The following PSG9 variants were observed in gnomAD, a reference collection of about 807,000 sequenced individuals.
PSG9 encodes the protein pregnancy specific beta-1-glycoprotein 9.
In PSG9, 49 loss-of-function variants were observed where a neutral mutation model predicts 41.9. The observed-to-expected ratio is 1.17, with a 90% confidence interval of 0.93 to 1.48. The LOEUF is 1.48. PSG9 is among the 40% of genes most tolerant of loss of function. The pLI is 0.00. For missense variants in PSG9, 641 were observed against 520.3 expected, an observed-to-expected ratio of 1.23 and a Z score of -2.26; for synonymous variants, 263 against 196.8, an observed-to-expected ratio of 1.34 and a Z score of -2.82.
At chr19:43,261,827 A>C (rs1404101358) in intron 3 of PSG9, 33 bp downstream of exon 3, 2 of 1,613,940 alleles carry the variant, frequency 1.2e-6, no homozygotes, top group African/African-American at 2.7e-5. Context: ...TTGGGATGGC[A>C]GCCTGGCTCA....
chr19:43,253,505 C>G lies in PSG9; in HGVS notation c.*104G>C, dbSNP rs1036582591. 5 of 473,426 alleles carry G rather than the reference C, an allele frequency of 1.1e-5. 1 individual carries two copies. Among genetic ancestry groups the G allele is most frequent in the East Asian group, 9.2e-5 (2 of 21,792 alleles). The allele number at this position is 473,426 out of a possible 1,614,324, so 29.3% of individuals were successfully genotyped here. A position where few individuals can be genotyped will look rare whatever the true frequency, so the allele number is the denominator to read the frequency against. On this transcript the variant is annotated 3_prime_UTR_variant, in exon 6 of 6. Transcript: ENST00000270077. Reference sequence around the variant, plus strand: ...CAATAAAAAATTATGAAAACATTATCCTTTTGATTATTTAGTCCAATAACA... The same window carrying G: ...CAATAAAAAATTATGAAAACATTATGCTTTTGATTATTTAGTCCAATAACA...
rs559460769 is a variant in PSG9 at position 43,262,906 on chromosome 19, G to T, written c.431-768C>A. On this transcript the variant is annotated intron_variant, in intron 2 of 5. Transcript: ENST00000270077. ...ATGATGCTCCCTTCCCCCTGTAGAG[G>T]GCAGGTGAGGACCATGTGGATCTTT... Among the ~76,000 whole-genome samples, 12 of 152,274 alleles carry T rather than the reference G, an allele frequency of 7.9e-5. No homozygotes were observed. The East Asian group carries it at 2.3e-3, about 29-fold the overall frequency.
chr19:43,267,872 C>G lies in PSG9; in HGVS notation c.342G>C (p.Arg114=). The G allele has an allele frequency of 6.2e-7, 1 of 1,613,786 alleles. No individual in the cohort carries two copies. The highest frequency in any genetic ancestry group is 8.5e-7 in the Non-Finnish European group (1 of 1,179,774). ...NASLLIQNVT[R]KDAGTYTLHI... ...GTAAGGTGTAGGTTCCTGCATCCTTCCGGGTGACATTCTGGATCAGCAGGG... is the reference window on the plus strand; with the variant it reads ...GTAAGGTGTAGGTTCCTGCATCCTTGCGGGTGACATTCTGGATCAGCAGGG... The change falls in exon 2 of 6, where the codon CGG becomes CGC. Residue 114 remains arginine, a synonymous_variant. Coordinates refer to ENST00000270077, the MANE Select transcript of PSG9 (RefSeq NM_002784.5).
chr19:43,263,490 T>C (rs535595162), intron 2 of PSG9, among the ~76,000 whole-genome samples: 62 of 152,170 alleles, frequency 4.1e-4, no homozygotes, highest in South Asian at 2.5e-3. Flanking sequence ...CATTTCAGAT[T>C]GTGGATTTCT....
intron 5 of PSG9, 88 bp from the exon 6 acceptor site, chr19:43,253,734 G>C: frequency 1.2e-6 from 1 of 801,546 alleles, no homozygotes; most frequent in Non-Finnish European, 2.0e-6. Flanking sequence ...TCCCAGGAAG[G>C]GTGTGAAAGC....
At chr19:43,256,930 C>T (rs1203076028) in intron 5 of PSG9, among the ~76,000 whole-genome samples, 3 of 146,386 alleles carry the variant, frequency 2.0e-5, no homozygotes, top group Non-Finnish European at 4.5e-5. Flanking sequence ...CTCACACTAG[C>T]GAAAAAATGG....
At chr19:43,259,586 G>A (rs2122519108) in intron 3 of PSG9, 1 of 177,038 alleles carries the variant, frequency 5.6e-6, no homozygotes, top group East Asian at 1.8e-4. Context: ...AGTAATAATG[G>A]GACTTCCCAT....
At chr19:43,265,594 C>G (rs532596528) in intron 2 of PSG9, among the ~76,000 whole-genome samples, 2 of 152,154 alleles carry the variant, frequency 1.3e-5, no homozygotes, top group African/African-American at 4.8e-5. Flanking sequence ...AATCTCTAAC[C>G]CCTGATCCAC....
In PSG9 at chr19:43,253,514, T is replaced by A; in HGVS notation, c.*95A>T. On this transcript the variant is annotated 3_prime_UTR_variant, in exon 6 of 6. Transcript: ENST00000270077. ...ATTATGAAAACATTATCCTTTTGAT[T>A]ATTTAGTCCAATAACATTGAGTTTT... is the stretch of plus-strand genomic sequence containing the variant. 1 of 492,262 alleles carries A rather than the reference T, an allele frequency of 2.0e-6. No individual in the cohort carries two copies. The highest frequency in any genetic ancestry group is 3.6e-6 in the Non-Finnish European group (1 of 274,584). The allele number at this position is 492,262 out of a possible 1,614,324, so 30.5% of individuals were successfully genotyped here. A position where few individuals can be genotyped will look rare whatever the true frequency, so the allele number is the denominator to read the frequency against.
chr19:43,267,689 T>G lies in PSG9; in HGVS notation c.430+95A>C, dbSNP rs532314072. The G allele has an allele frequency of 1.4e-4, 227 of 1,572,038 alleles. 1 individual carries two copies. The highest frequency in any genetic ancestry group is 3.3e-4 in the Middle Eastern group (2 of 5,994). On this transcript the variant is annotated intron_variant, in intron 2 of 5. Transcript: ENST00000270077. ...CCAGCATGGGACATAATGCAGAGAGTGACACAGGCAGAGTCCAGGCCTGAC... is the reference window on the plus strand; with the variant it reads ...CCAGCATGGGACATAATGCAGAGAGGGACACAGGCAGAGTCCAGGCCTGAC...
In PSG9 at chr19:43,258,686, G is replaced by A. The variant is rs374096371; in HGVS notation, c.988+171C>T. ...GAGCATCCACTCCCCTTATATTCTT[G>A]GTTAAGGCTGTGCCTACCCAGGTTT... On this transcript the variant is annotated intron_variant, in intron 4 of 5. Transcript: ENST00000270077. Among the ~76,000 whole-genome samples, 4 of 145,944 alleles carry A rather than the reference G, an allele frequency of 2.7e-5. 1 individual carries two copies. Among genetic ancestry groups the A allele is most frequent in the African/African-American group, 1.0e-4 (4 of 38,240 alleles).
At position 43,267,964 on chromosome 19, in the gene PSG9, C is replaced by T; in HGVS notation, c.250G>A (p.Val84Ile). The T allele has an allele frequency of 6.2e-7, 1 of 1,613,624 alleles. No individual in the cohort carries two copies. Among genetic ancestry groups the T allele is most frequent in the Non-Finnish European group, 8.5e-7 (1 of 1,179,670 alleles). Residue 84 changes from valine to isoleucine, a missense_variant, in exon 2 of 6, where the codon GTT becomes ATT. Physicochemically the swap from Val to Ile is conservative, Grantham distance 29 (BLOSUM62 3). Transcript: ENST00000270077. Reference sequence around the variant, plus strand: ...CCATATATAATTATTTTACCATCAACTATATACGATATAATGTAATGGTAG... The same window carrying T: ...CCATATATAATTATTTTACCATCAATTATATACGATATAATGTAATGGTAG... ...DLYHYIISYI[V>I]DGKIIIYGPA...
chr19:43,255,890 G>T (rs1348203644), intron 5 of PSG9, among the ~76,000 whole-genome samples: 1 of 146,526 alleles, frequency 6.8e-6, no homozygotes, highest in Non-Finnish European at 1.5e-5. Flanking sequence ...TTGTTTTCAT[G>T]AATTGGAAGA....
rs763443208 is a variant in PSG9 at position 43,267,772 on chromosome 19, G to A, written c.430+12C>T. On this transcript the variant is annotated intron_variant, in intron 2 of 5. Transcript: ENST00000270077. ...TCCCCCCAACACCCAGGGATCATGT[G>A]GAATCACTCACAGTATAAGGTGAAG... 5.0e-6 allele frequency: 8 copies of A among 1,612,488 alleles called. No individual in the cohort carries two copies. Among genetic ancestry groups the A allele is most frequent in the Non-Finnish European group, 6.8e-6 (8 of 1,179,092 alleles).
intron 3 of PSG9, chr19:43,260,584 C>T (rs1169527337): frequency 6.9e-6 from 1 of 145,910 alleles, no homozygotes; most frequent in African/African-American, 2.6e-5. Flanking sequence ...TTTTTTAAAG[C>T]TTTGGGATGT....
chr19:43,264,679 C>T (rs1216716240), intron 2 of PSG9, among the ~76,000 whole-genome samples: 1 of 152,140 alleles, frequency 6.6e-6, no homozygotes, highest in Non-Finnish European at 1.5e-5. Flanking sequence ...GGATTGTCTC[C>T]ATCTCCTGAC....
chr19:43,265,164 A>G (rs1968908648), intron 2 of PSG9, among the ~76,000 whole-genome samples: 1 of 152,182 alleles, frequency 6.6e-6, no homozygotes, highest in Admixed American at 6.5e-5. Context: ...GTTCCTCCAT[A>G]AAACTAACAC....
Position 43,262,047 on chromosome 19 carries a change from CAG to C in PSG9, c.520_521del (p.Leu174GlyfsTer42), listed in dbSNP as rs745474941. 24 of 1,613,974 alleles carry C rather than the reference CAG, an allele frequency of 1.5e-5. No individual in the cohort carries two copies. The East Asian group carries it at 4.9e-4, about 33-fold the overall frequency. On this transcript the variant is annotated frameshift_variant, in exon 3 of 6. Transcript: ENST00000270077. LOFTEE classifies it high-confidence loss of function. ...AVRLICDPETLDASYLWWMNG... is the reference protein window; with the variant it reads ...AVRLICDPETXDASYLWWMNG... ...TCATCCACCATAGGTAGCTTGCGTC[CAG>C]AGTCTCAGGATCACAGATTAAGCGC... is the stretch of plus-strand genomic sequence containing the variant.
chr19:43,259,334 G>A (rs4028431), intron 3 of PSG9, 199 bp from the exon 4 acceptor site: 21 of 1,066,286 alleles, frequency 2.0e-5, no homozygotes, highest in Non-Finnish European at 2.6e-5. Context: ...CTGTCTTAGG[G>A]AAGCACAGAC....
Sources: allele counts gnomAD v4.1 joint callset (sites outside exome capture counted in the v4.1 genomes callset), GRCh38; gene constraint gnomAD v4.1.1; transcripts MANE v1.5; gene names NCBI Gene and HGNC (gene_info 2026-07-23, HGNC 2026-07-21).